PARP8: variants seen among roughly 807,000 people sequenced by gnomAD.
PARP8 encodes the protein poly(ADP-ribose) polymerase family member 8, also known as protein mono-ADP-ribosyltransferase PARP8.
A neutral mutation model predicts 124.1 loss-of-function variants in PARP8; 51 were observed. The ratio of observed to expected loss-of-function variants is 0.41; its 90% confidence interval spans 0.33 to 0.52. PARP8 has a LOEUF of 0.52. Among genes scored for constraint, PARP8 ranks in the 20% least tolerant of loss-of-function variants. The pLI is 0.21. For synonymous variants in PARP8, 391 were observed against 361.5 expected, an observed-to-expected ratio of 1.08 and a Z score of -0.93; for missense variants, 860 against 1,018.9, an observed-to-expected ratio of 0.84 and a Z score of 2.12.
chr5:50,836,817 A>G (rs1324616909), intron 25 of PARP8, among the ~76,000 whole-genome samples: 1 of 152,162 alleles, frequency 6.6e-6, no homozygotes, highest in Admixed American at 6.5e-5. Context: ...TGGCCTTGCA[A>G]AAAGAAGCTT....
chr5:50,732,062 G>A (rs1344139704), intron 2 of PARP8, among the ~76,000 whole-genome samples: 1 of 152,138 alleles, frequency 6.6e-6, no homozygotes, highest in Non-Finnish European at 1.5e-5. Context: ...GAAATTTGAA[G>A]CACATTAGGC....
intron 2 of PARP8, among the ~76,000 whole-genome samples, chr5:50,749,491 TATG>T (rs1245010742): frequency 1.3e-5 from 2 of 152,112 alleles, no homozygotes; most frequent in African/African-American, 4.8e-5. Flanking sequence ...TCGTATGTCA[TATG>T]AGGTAAGTAC....
At chr5:50,829,802 A>G in intron 21 of PARP8, 90 bp from the exon 22 acceptor site, 1 of 1,245,244 alleles carries the variant, frequency 8.0e-7, no homozygotes, top group Non-Finnish European at 1.1e-6. Flanking sequence ...GTAAGACTGA[A>G]TGTTCTGACA....
chr5:50,752,556 C>T (rs1194460340), intron 3 of PARP8, among the ~76,000 whole-genome samples: 4 of 151,992 alleles, frequency 2.6e-5, no homozygotes, highest in Non-Finnish European at 5.9e-5. Context: ...CTGGTTATTT[C>T]TCCTGGCCCA....
At chr5:50,694,619 G>C (rs144922305) in intron 2 of PARP8, among the ~76,000 whole-genome samples, 1 of 152,238 alleles carries the variant, frequency 6.6e-6, no homozygotes, top group East Asian at 1.9e-4. Flanking sequence ...TTACCTTCTA[G>C]AAACTGGGAC....
intron 14 of PARP8, among the ~76,000 whole-genome samples, chr5:50,805,652 G>C (rs573500097): frequency 6.6e-6 from 1 of 152,090 alleles, no homozygotes; most frequent in East Asian, 1.9e-4. Flanking sequence ...ACAAAACTTG[G>C]AAAGCAATAA....
rs559799914 is a variant in PARP8 at position 50,714,603 on chromosome 5, A to G, written c.147-35548A>G. On this transcript the variant is annotated intron_variant, in intron 2 of 25. Transcript: ENST00000281631. ...ACAAATACAAATAGGCATTATTTCC[A>G]TGTCACAAAGGAAGGAATGTGTTCT... 3.7e-4 allele frequency among the ~76,000 whole-genome samples: 56 copies of G among 152,214 alleles called. No homozygotes were observed. In the Middle Eastern group the frequency reaches 0.01, roughly 28 times the overall value.
intron 25 of PARP8, among the ~76,000 whole-genome samples, chr5:50,836,301 C>T (rs1198280121): frequency 2.6e-5 from 4 of 152,116 alleles, no homozygotes; most frequent in Non-Finnish European, 2.9e-5. Context: ...TTGTATAACA[C>T]GTCTAAGCTT....
At chr5:50,803,491 G>T (rs1168223920) in intron 14 of PARP8, among the ~76,000 whole-genome samples, 2 of 151,886 alleles carry the variant, frequency 1.3e-5, no homozygotes, top group Non-Finnish European at 2.9e-5. Context: ...GTACCCCATA[G>T]ATCTCTTACA....
intron 22 of PARP8, among the ~76,000 whole-genome samples, chr5:50,832,371 A>G (rs1161755365): frequency 6.6e-6 from 1 of 152,218 alleles, no homozygotes; most frequent in Non-Finnish European, 1.5e-5. Context: ...TTCTGCATAG[A>G]ATTTAAGAAC....
chr5:50,804,147 T>C (rs1419767791), intron 14 of PARP8, among the ~76,000 whole-genome samples: 2 of 152,206 alleles, frequency 1.3e-5, no homozygotes, highest in African/African-American at 4.8e-5. Flanking sequence ...CTAAGCTTTT[T>C]GATTATTCTG....
At chr5:50,739,720 ATATATATATATATTTT>A (rs1206502287) in intron 2 of PARP8, among the ~76,000 whole-genome samples, 2 of 98,608 alleles carry the variant, frequency 2.0e-5, no homozygotes, top group African/African-American at 8.1e-5. Flanking sequence ...ATATATATAT[ATATATATATATATTTT>A]TTTTTTTTTT....
chr5:50,697,311 AT>A (rs530229223), intron 2 of PARP8, among the ~76,000 whole-genome samples: 4 of 152,332 alleles, frequency 2.6e-5, no homozygotes, highest in Admixed American at 1.3e-4. Context: ...ATCCTTCGGA[AT>A]AAAAAATTCT....
chr5:50,703,261 C>G (rs181461680), intron 2 of PARP8, among the ~76,000 whole-genome samples: 1 of 149,900 alleles, frequency 6.7e-6, no homozygotes, highest in Non-Finnish European at 1.5e-5. Context: ...GATCACACCA[C>G]TGCACTCCAG....
At chr5:50,781,068 T>C (rs1740616903) in intron 9 of PARP8, among the ~76,000 whole-genome samples, 1 of 152,184 alleles carries the variant, frequency 6.6e-6, no homozygotes, top group Non-Finnish European at 1.5e-5. Flanking sequence ...AATATGCTGG[T>C]TGGATCTAAC....
intron 2 of PARP8, among the ~76,000 whole-genome samples, chr5:50,692,686 T>C (rs1341301568): frequency 6.6e-6 from 1 of 152,056 alleles, no homozygotes; most frequent in Admixed American, 6.6e-5. Context: ...CATAGGCTGG[T>C]AAAAAAATAA....
chr5:50,729,530 C>G (rs1412659951), intron 2 of PARP8, among the ~76,000 whole-genome samples: 1 of 152,102 alleles, frequency 6.6e-6, no homozygotes, highest in Non-Finnish European at 1.5e-5. Context: ...AATATTCTTG[C>G]GTGTAAAATA....
At chr5:50,747,408 G>A (rs544343229) in intron 2 of PARP8, among the ~76,000 whole-genome samples, 1 of 151,514 alleles carries the variant, frequency 6.6e-6, no homozygotes, top group African/African-American at 2.4e-5. Context: ...CAGTTGTAGT[G>A]TTCTATGAAA....
chr5:50,680,238 C>T lies in PARP8; in HGVS notation c.146+12113C>T, dbSNP rs28505342. The stretch of plus-strand genomic sequence containing the variant: ...CCTTTATTCGTTTTTTTCACAACTT[C>T]CTCCCCTTTGCTCAGGTTCTTTACA... On this transcript the variant is annotated intron_variant, in intron 2 of 25. Transcript: ENST00000281631. Among the ~76,000 whole-genome samples, 1,052 of 152,224 alleles carry T rather than the reference C, an allele frequency of 6.9e-3. 8 individuals carry two copies. Among genetic ancestry groups the T allele is most frequent in the East Asian group, 0.039 (200 of 5,178 alleles).
Sources: allele counts gnomAD v4.1 joint callset (sites outside exome capture counted in the v4.1 genomes callset), GRCh38; gene constraint gnomAD v4.1.1; transcripts MANE v1.5; gene names NCBI Gene and HGNC (gene_info 2026-07-23, HGNC 2026-07-21).